The following ZBTB40 variants were observed in gnomAD, a reference collection of about 807,000 sequenced individuals.
ZBTB40 encodes the protein zinc finger and BTB domain-containing protein 40.
In ZBTB40, 60 loss-of-function variants were observed where a neutral mutation model predicts 117.5. That is an observed-to-expected ratio of 0.51 (90% confidence interval 0.41 to 0.63). The LOEUF (loss-of-function observed/expected upper bound fraction) is 0.63. Among genes scored for constraint, ZBTB40 ranks in the 30% least tolerant of loss-of-function variants. The pLI is 0.00. For missense variants in ZBTB40, 1,287 were observed against 1,498.5 expected, an observed-to-expected ratio of 0.86 and a Z score of 2.33; for synonymous variants, 525 against 577.1, an observed-to-expected ratio of 0.91 and a Z score of 1.29.
At chr1:22,441,276 T>C (rs991867169) in intron 1 of ZBTB40, among the ~76,000 whole-genome samples, 1 of 152,138 alleles carries the variant, frequency 6.6e-6, no homozygotes, top group Non-Finnish European at 1.5e-5. Flanking sequence ...CAATTGTTTG[T>C]AGTACTCTCT....
chr1:22,520,111 C>T lies in ZBTB40; in HGVS notation c.2884C>T (p.Leu962Phe), dbSNP rs1215330084. Residue 962 changes from leucine (L) to phenylalanine (F), a missense_variant, in exon 14 of 18, where the codon CTT (leucine) becomes TTT (phenylalanine). This residue lies in a region of ZBTB40 where 417 missense variants were observed against 564.1 expected (regional missense o/e 0.74). Transcript: ENST00000375647. ...CKKCRMSFPT[L>F]QDHRKHIHEV... The stretch of plus-strand genomic sequence containing the variant: ...GAAGTGCAGGATGAGTTTCCCCACT[C>T]TTCAGGATCACCGGAAGCACATCCA... The T allele has an allele frequency of 1.9e-6, 3 of 1,614,084 alleles. No individual in the cohort carries two copies. The highest frequency in any genetic ancestry group is 2.5e-6 in the Non-Finnish European group (3 of 1,180,048).
intron 1 of ZBTB40, among the ~76,000 whole-genome samples, chr1:22,459,299 A>G (rs951032174): frequency 6.6e-6 from 1 of 152,190 alleles, no homozygotes; most frequent in Non-Finnish European, 1.5e-5. Context: ...GCATCCATTT[A>G]TATTTTCTTC....
Position 22,524,341 on chromosome 1 carries a change from G to A in ZBTB40, c.3422G>A (p.Gly1141Glu). The change falls in exon 17 of 18, where the codon GGG becomes GAG. Residue 1141 changes from glycine to glutamate, a missense_variant. By Grantham distance (98) the Gly-to-Glu change is moderately conservative. Coordinates refer to ENST00000375647, the MANE Select transcript of ZBTB40 (RefSeq NM_014870.4). ...ACCACCTTCCCCTGTGAGCTCTGTGGGGAACTCTTCACCTCCCAGGCCCAG... is the reference window on the plus strand; with the variant it reads ...ACCACCTTCCCCTGTGAGCTCTGTGAGGAACTCTTCACCTCCCAGGCCCAG... ...SETTFPCELC[G>E]ELFTSQAQLD... The A allele has an allele frequency of 6.2e-7, 1 of 1,614,164 alleles. No homozygotes were observed. The highest frequency in any genetic ancestry group is 1.1e-5 in the South Asian group (1 of 91,076).
At chr1:22,477,767 C>T (rs1641586648) in intron 1 of ZBTB40, among the ~76,000 whole-genome samples, 1 of 152,178 alleles carries the variant, frequency 6.6e-6, no homozygotes, top group African/African-American at 2.4e-5. Flanking sequence ...AGGCTGGCCT[C>T]AAACTCCTGA....
intron 1 of ZBTB40, among the ~76,000 whole-genome samples, chr1:22,431,736 C>CG (rs1553128083): frequency 6.7e-6 from 1 of 148,360 alleles, no homozygotes; most frequent in Non-Finnish European, 1.5e-5. Context: ...AATGCCATCT[C>CG]AAAAAAAAAA....
chr1:22,511,043 A>G (rs1037012654), intron 9 of ZBTB40, 136 bp from the exon 10 acceptor site: 5 of 1,104,538 alleles, frequency 4.5e-6, no homozygotes, highest in Non-Finnish European at 6.7e-6. Context: ...ATTTATCACA[A>G]GGCGATGTAT....
Position 22,511,833 on chromosome 1 carries a change from G to A in ZBTB40, c.2160G>A (p.Gln720=). ...GAGAGACTGGTTCCTTGCCAGGACA[G>A]CAAGAGAAAGAGGCTTCAGCCTCCC... ...DQGETGSLPG[Q]QEKEASASPD... Residue 720 remains glutamine, a synonymous_variant, in exon 11 of 18, where the codon CAG becomes CAA. Transcript: ENST00000375647. The A allele has an allele frequency of 1.9e-6, 3 of 1,614,182 alleles. No individual in the cohort carries two copies. The highest frequency in any genetic ancestry group is 1.1e-5 in the South Asian group (1 of 91,086).
intron 1 of ZBTB40, among the ~76,000 whole-genome samples, chr1:22,445,760 C>G (rs1459906780): frequency 6.6e-6 from 1 of 150,746 alleles, no homozygotes; most frequent in Non-Finnish European, 1.5e-5. Context: ...GAGGCTGAGG[C>G]AGCAGAATTG....
intron 1 of ZBTB40, among the ~76,000 whole-genome samples, chr1:22,440,322 T>A (rs1237679341): frequency 6.6e-6 from 1 of 152,230 alleles, no homozygotes; most frequent in Non-Finnish European, 1.5e-5. Context: ...TTTTTTCTTC[T>A]TGCCTAATTG....
In ZBTB40 at chr1:22,490,317, T is replaced by C; in HGVS notation, c.369T>C (p.Gly123=). The change falls in exon 2 of 18, where the codon GGT becomes GGC. Residue 123 remains glycine (G), a synonymous_variant. Coordinates refer to ENST00000375647, the MANE Select transcript of ZBTB40 (RefSeq NM_014870.4). ...GCCTTGTAAACTGCTCGGTTCAGGG[T>C]CAGGTGGTAAGGGATGTCTCTGCGC... ...LTSLVNCSVQ[G]QVVRDVSAPS... is the part of the protein sequence containing the mutation. The C allele has an allele frequency of 6.2e-7, 1 of 1,614,070 alleles. No individual in the cohort carries two copies. The highest frequency in any genetic ancestry group is 8.5e-7 in the Non-Finnish European group (1 of 1,180,018).
chr1:22,479,656 A>G (rs183871983), intron 1 of ZBTB40, among the ~76,000 whole-genome samples: 17 of 152,178 alleles, frequency 1.1e-4, no homozygotes, highest in African/African-American at 4.1e-4. Flanking sequence ...GAAAATTCCT[A>G]GATATGTCTT....
At chr1:22,439,851 T>A (rs926283150) in intron 1 of ZBTB40, among the ~76,000 whole-genome samples, 22 of 152,230 alleles carry the variant, frequency 1.4e-4, no homozygotes, top group African/African-American at 5.3e-4. Context: ...TAGAATGTGT[T>A]CTTTTTCTAT....
At chr1:22,486,605 C>A (rs1008157304) in intron 1 of ZBTB40, among the ~76,000 whole-genome samples, 2 of 152,142 alleles carry the variant, frequency 1.3e-5, no homozygotes, top group Non-Finnish European at 2.9e-5. Flanking sequence ...TGAGTCCCCC[C>A]CAGAGTTTTT....
intron 7 of ZBTB40, 116 bp downstream of exon 7, chr1:22,508,253 A>G: frequency 7.9e-7 from 1 of 1,273,674 alleles, no homozygotes. Flanking sequence ...CCATGTTGAG[A>G]ATTGCTAAGT....
chr1:22,433,233 A>T (rs2124359960), intron 1 of ZBTB40, among the ~76,000 whole-genome samples: 1 of 151,938 alleles, frequency 6.6e-6, no homozygotes, highest in Non-Finnish European at 1.5e-5. Flanking sequence ...GGAGATCGAG[A>T]CCATTCTGGC....
chr1:22,431,541 C>T (rs1170572714), intron 1 of ZBTB40, among the ~76,000 whole-genome samples: 1 of 151,554 alleles, frequency 6.6e-6, no homozygotes, highest in Non-Finnish European at 1.5e-5. Flanking sequence ...GAGTTCGAAA[C>T]CAGCCTCACC....
chr1:22,490,067 T>C lies in ZBTB40; in HGVS notation c.119T>C (p.Leu40Pro). 6.2e-7 allele frequency: 1 copy of C among 1,614,180 alleles called. No homozygotes were observed. The highest frequency in any genetic ancestry group is 8.5e-7 in the Non-Finnish European group (1 of 1,180,024). ...ACCATTTACTTCAGGGCTCACAAGC[T>C]TGTCCTGGCTGCTGCCAGCCTCCTG... ...IGTIYFRAHKLVLAAASLLFK... is the reference protein window; with the variant it reads ...IGTIYFRAHKPVLAAASLLFK... Residue 40 changes from leucine (L) to proline (P), a missense_variant, in exon 2 of 18, where the codon CTT becomes CCT. Coordinates refer to ENST00000375647, the MANE Select transcript of ZBTB40 (RefSeq NM_014870.4).
At chr1:22,520,394 T>C (rs1053326244) in intron 14 of ZBTB40, 119 bp downstream of exon 14, 2 of 829,466 alleles carry the variant, frequency 2.4e-6, no homozygotes, top group African/African-American at 1.7e-5. Flanking sequence ...GATGTGACAA[T>C]TGGCTGATTC....
intron 1 of ZBTB40, among the ~76,000 whole-genome samples, chr1:22,445,068 C>T (rs1163367179): frequency 1.3e-5 from 2 of 152,044 alleles, no homozygotes; most frequent in South Asian, 4.2e-4. Flanking sequence ...TGCTAACATA[C>T]TTTGGTGCTG....
Sources: gnomAD v4.1 joint callset for allele counts (sites outside exome capture counted in the v4.1 genomes callset) on GRCh38, gnomAD v4.1.1 for gene constraint, gnomAD v4.1.1 regional missense constraint, MANE v1.5 for transcripts, NCBI Gene and HGNC (gene_info 2026-07-23, HGNC 2026-07-21) for gene names.